Variants in JAK2 observed in about 807,000 individuals in gnomAD.
JAK2 encodes tyrosine-protein kinase JAK2.
A neutral mutation model predicts 139.3 loss-of-function variants in JAK2; 86 were observed. The ratio of observed to expected loss-of-function variants is 0.62; its 90% CI spans 0.52 to 0.74. The LOEUF (loss-of-function observed/expected upper bound fraction) is 0.74. JAK2 is among the 30% of genes least tolerant of loss of function. The pLI, the probability that JAK2 is intolerant of heterozygous loss-of-function variation, is 0.00. For missense variants in JAK2, 1,421 were observed against 1,360.3 expected (o/e 1.04, Z -0.70); for synonymous variants, 490 against 437.7 (o/e 1.12, Z -1.49).
intron 4 of JAK2, among the ~76,000 whole-genome samples, chr9:5,031,918 C>T (rs1239474195): frequency 1.3e-5 from 2 of 152,192 alleles, no homozygotes; most frequent in East Asian, 3.9e-4. Flanking sequence ...GAGTGTAGGA[C>T]AGTGGGTGCA....
intron 5 of JAK2, among the ~76,000 whole-genome samples, chr9:5,048,984 T>C (rs1817225867): frequency 6.6e-6 from 1 of 152,182 alleles, no homozygotes; most frequent in African/African-American, 2.4e-5. Context: ...CCATTACATG[T>C]TCAGTCAGAT....
chr9:5,091,871 G>T (rs1820602715), intron 22 of JAK2, among the ~76,000 whole-genome samples: 2 of 152,056 alleles, frequency 1.3e-5, no homozygotes, highest in African/African-American at 4.8e-5. Context: ...AAGCTCTATT[G>T]CTAGTAAGAG....
At chr9:5,093,923 A>T (rs752365211) in intron 22 of JAK2, among the ~76,000 whole-genome samples, 1 of 152,138 alleles carries the variant, frequency 6.6e-6, no homozygotes. Context: ...TCCTAGTATG[A>T]AAGGACAAGA....
intron 4 of JAK2, among the ~76,000 whole-genome samples, chr9:5,039,629 G>A (rs1311690331): frequency 6.6e-6 from 1 of 151,996 alleles, no homozygotes; most frequent in Non-Finnish European, 1.5e-5. Context: ...TAATAAATGA[G>A]CTCAGGTCAG....
chr9:5,109,585 A>T (rs561128859), intron 22 of JAK2: 1 of 152,270 alleles, frequency 6.6e-6, no homozygotes, highest in East Asian at 1.9e-4. Context: ...GAAGATTCAT[A>T]CCCAAATTAC....
rs374448401 is a variant in JAK2, at chr9:4,998,502, G to A, written c.-26+12480G>A. On this transcript the variant is annotated intron_variant, in intron 2 of 24. Transcript: ENST00000381652. ...GAACTCCTGACCTCGTGATCCGCCC[G>A]CCTTGGCCTCCCAAAGTGCTGGGAT... Among the ~76,000 whole-genome samples the A allele has an allele frequency of 4.7e-3, 713 of 152,140 alleles. 4 individuals carry two copies. Among genetic ancestry groups the A allele is most frequent in the African/African-American group, 0.016 (668 of 41,492 alleles).
chr9:5,104,947 A>G (rs189950665), intron 22 of JAK2, among the ~76,000 whole-genome samples: 140 of 152,340 alleles, frequency 9.2e-4, no homozygotes, highest in African/African-American at 2.1e-3. Flanking sequence ...CTCACAGCCA[A>G]TATCATACTG....
chr9:5,031,583 G>A (rs1048912066), intron 4 of JAK2, among the ~76,000 whole-genome samples: 1 of 152,158 alleles, frequency 6.6e-6, no homozygotes, highest in South Asian at 2.1e-4. Flanking sequence ...TTAAAGATCA[G>A]ATTGATATGT....
At chr9:5,123,893 T>A (rs1204704948) in intron 23 of JAK2, among the ~76,000 whole-genome samples, 1 of 150,022 alleles carries the variant, frequency 6.7e-6, no homozygotes, top group African/African-American at 2.5e-5. Flanking sequence ...TTTCTCTTTT[T>A]TTTTTTTGTC....
chr9:5,050,546 C>T, intron 5 of JAK2, 140 bp from the exon 6 acceptor site: 1 of 774,848 alleles, frequency 1.3e-6, no homozygotes, highest in Non-Finnish European at 2.0e-6. Context: ...TCTGGGATTA[C>T]AGGCATGAGC....
At chr9:5,112,876 C>T in intron 22 of JAK2, 1 of 431,384 alleles carries the variant, frequency 2.3e-6, no homozygotes, top group Admixed American at 4.5e-5. Context: ...GGACGAGCCA[C>T]CCGCCCTCAG....
chr9:5,108,909 A>G (rs185321317), intron 22 of JAK2: 1 of 152,236 alleles, frequency 6.6e-6, no homozygotes, highest in Admixed American at 6.5e-5. Flanking sequence ...CTGCCTAGCA[A>G]ATTCCAACTA....
intron 16 of JAK2, among the ~76,000 whole-genome samples, chr9:5,079,510 A>G (rs531351432): frequency 3.4e-5 from 5 of 148,258 alleles, no homozygotes; most frequent in African/African-American, 1.2e-4. Context: ...TTTTTTTTTT[A>G]TCTGCAAGTG....
chr9:5,096,508 T>G (rs1470171018), intron 22 of JAK2, among the ~76,000 whole-genome samples: 4 of 151,998 alleles, frequency 2.6e-5, no homozygotes, highest in Non-Finnish European at 5.9e-5. Context: ...GGGGGGAGGG[T>G]GGTAGGCCGG....
chr9:5,055,911 C>T (rs764686680), intron 8 of JAK2, 123 bp downstream of exon 8: 128 of 818,516 alleles, frequency 1.6e-4, no homozygotes, highest in Non-Finnish European at 2.3e-4. Flanking sequence ...AAATATAACT[C>T]TAAACATCAG....
At chr9:5,058,046 G>A (rs1331054987) in intron 8 of JAK2, among the ~76,000 whole-genome samples, 1 of 152,088 alleles carries the variant, frequency 6.6e-6, no homozygotes, top group Non-Finnish European at 1.5e-5. Flanking sequence ...ATATATGTAT[G>A]TATTCTGTGT....
intron 2 of JAK2, among the ~76,000 whole-genome samples, chr9:4,988,275 A>G (rs1256245150): frequency 1.3e-5 from 2 of 152,182 alleles, no homozygotes; most frequent in Admixed American, 1.3e-4. Flanking sequence ...TGGTTTCAAT[A>G]TTAGATACCT....
chr9:5,006,420 A>G (rs1821304363), intron 2 of JAK2, among the ~76,000 whole-genome samples: 1 of 152,146 alleles, frequency 6.6e-6, no homozygotes, highest in Admixed American at 6.5e-5. Context: ...TAGATATACA[A>G]TCATGGTATA....
intron 2 of JAK2, among the ~76,000 whole-genome samples, chr9:4,988,856 C>G (rs2129693601): frequency 6.6e-6 from 1 of 152,280 alleles, no homozygotes; most frequent in South Asian, 2.1e-4. Context: ...TTAAATTAGG[C>G]ATCATCTTTA....
Sources: allele counts gnomAD v4.1 joint callset (sites outside exome capture counted in the v4.1 genomes callset), GRCh38; gene constraint gnomAD v4.1.1; transcripts MANE v1.5; gene names NCBI Gene and HGNC (gene_info 2026-07-23, HGNC 2026-07-21).